The following RIC3 variants were observed in gnomAD, a reference collection of about 807,000 sequenced individuals.
RIC3 encodes RIC3 acetylcholine receptor chaperone.
In RIC3, 28 loss-of-function variants were observed where a neutral mutation model predicts 27.3. The observed-to-expected ratio is 1.02, with a 90% confidence interval of 0.76 to 1.41. RIC3 has a LOEUF of 1.41. Ranked by LOEUF, RIC3 falls within the 40% of genes most tolerant of loss-of-function variation. RIC3 has a pLI of 0.00. For missense variants in RIC3, 501 were observed against 444.7 expected (o/e 1.13, Z -1.14); for synonymous variants, 184 against 160.4 (o/e 1.15, Z -1.11).
At chr11:8,105,517 T>C (rs922707243), downstream of RIC3, 1 of 152,194 alleles carries the variant, frequency 6.6e-6, no homozygotes, top group Non-Finnish European at 1.5e-5. Context: ...TCCAACCAAG[T>C]GGAAAGGCAA....
chr11:8,146,928 G>C (rs1348392929), intron 1 of RIC3, among the ~76,000 whole-genome samples: 1 of 152,160 alleles, frequency 6.6e-6, no homozygotes, highest in African/African-American at 2.4e-5. Context: ...TGAGGGAGTA[G>C]ATTGTAAAAT....
intron 1 of RIC3, among the ~76,000 whole-genome samples, chr11:8,157,854 A>G (rs1950806495): frequency 6.6e-6 from 1 of 152,192 alleles, no homozygotes; most frequent in Non-Finnish European, 1.5e-5. Context: ...GTACGTTTCT[A>G]AACTTGAAAA....
At chr11:8,156,358 G>A (rs1950652161) in intron 1 of RIC3, among the ~76,000 whole-genome samples, 1 of 152,174 alleles carries the variant, frequency 6.6e-6, no homozygotes, top group African/African-American at 2.4e-5. Context: ...TTTCAGTGGA[G>A]GTTAAATTAA....
In RIC3 at chr11:8,134,199, A is replaced by T. The variant is rs1442205353; in HGVS notation, c.521+3179T>A. ...TGTGATGTTCCCCTTCCTGTGTCCAAGTGTTCTCATTGTTCAATTCCCACC... is the reference window on the plus strand; with the variant it reads ...TGTGATGTTCCCCTTCCTGTGTCCATGTGTTCTCATTGTTCAATTCCCACC... On this transcript the variant is annotated intron_variant, in intron 4 of 5. Transcript: ENST00000309737. 3.3e-5 allele frequency among the ~76,000 whole-genome samples: 5 copies of T among 152,032 alleles called. No homozygotes were observed. The East Asian group carries it at 7.8e-4, about 24-fold the overall frequency.
At chr11:8,148,288 T>C (rs924723529) in intron 1 of RIC3, among the ~76,000 whole-genome samples, 1 of 152,170 alleles carries the variant, frequency 6.6e-6, no homozygotes, top group Non-Finnish European at 1.5e-5. Flanking sequence ...TCACCACCCT[T>C]TATTCTGGAT....
chr11:8,126,740 C>A lies in RIC3; in HGVS notation c.589G>T (p.Val197Phe), dbSNP rs139685245. 1.9e-3 allele frequency: 3,111 copies of A among 1,614,068 alleles called. 16 individuals are homozygous for A. Among genetic ancestry groups the A allele is most frequent in the Non-Finnish European group, 1.4e-3 (1,613 of 1,180,002 alleles). The change falls in exon 5 of 6, where the codon GTC becomes TTC. Residue 197 changes from valine to phenylalanine, a missense_variant. By Grantham distance (50) the Val-to-Phe change is conservative. Coordinates refer to ENST00000309737, the MANE Select transcript of RIC3 (RefSeq NM_001206671.4). ...LLHQLREITR[V>F]MKEGKFIDRF... ...TCAATGAATTTTCCTTCTTTCATGACCCTGGTGATTTCTCGGAGCTGATGT... is the reference window on the plus strand; with the variant it reads ...TCAATGAATTTTCCTTCTTTCATGAACCTGGTGATTTCTCGGAGCTGATGT...
chr11:8,151,805 A>C (rs1255317821), intron 1 of RIC3, among the ~76,000 whole-genome samples: 2 of 150,852 alleles, frequency 1.3e-5, no homozygotes, highest in Non-Finnish European at 2.9e-5. Context: ...AATTCCAGCT[A>C]CTTGGGAGGC....
chr11:8,110,379 G>C lies in RIC3; in HGVS notation c.*319C>G. On this transcript the variant is annotated 3_prime_UTR_variant, in exon 6 of 6. Transcript: ENST00000309737. ...CTATCTGTTACACCTACCAGGAAGAGTCAGACCTTTGCCCCTGAGTGGTCC... is the reference window on the plus strand; with the variant it reads ...CTATCTGTTACACCTACCAGGAAGACTCAGACCTTTGCCCCTGAGTGGTCC... 1.9e-5 allele frequency: 8 copies of C among 428,084 alleles called. 1 individual carries two copies. Among genetic ancestry groups the C allele is most frequent in the South Asian group, 1.5e-4 (7 of 47,496 alleles). 26.5% of individuals were successfully genotyped at this position (428,084 alleles called of 1,614,324 possible). A position where few individuals can be genotyped will look rare whatever the true frequency, so the allele number is the denominator to read the frequency against.
chr11:8,151,358 C>T (rs1011163717), intron 1 of RIC3, among the ~76,000 whole-genome samples: 1 of 151,468 alleles, frequency 6.6e-6, no homozygotes, highest in African/African-American at 2.4e-5. Flanking sequence ...GAGGCCGAGA[C>T]GGGCGGATCA....
At chr11:8,147,783 A>G (rs1949851378) in intron 1 of RIC3, among the ~76,000 whole-genome samples, 1 of 142,714 alleles carries the variant, frequency 7.0e-6, no homozygotes, top group Non-Finnish European at 1.5e-5. Context: ...GCTGGAGTGC[A>G]GTGGCGCGAT....
chr11:8,138,547 G>C (rs191812335), intron 2 of RIC3, 200 bp from the exon 3 acceptor site: 3 of 514,138 alleles, frequency 5.8e-6, no homozygotes, highest in Non-Finnish European at 1.0e-5. Context: ...CAAAGCACAA[G>C]TGTAAAAAGT....
chr11:8,100,228 G>A, the RIC3 span, among the ~76,000 whole-genome samples: 2 of 152,214 alleles, frequency 1.3e-5, no homozygotes, highest in East Asian at 3.9e-4. Context: ...GGATGTAGAA[G>A]AGAGGACTCG....
chr11:8,125,681 G>A (rs1393044018), intron 5 of RIC3, among the ~76,000 whole-genome samples: 1 of 152,198 alleles, frequency 6.6e-6, no homozygotes, highest in African/African-American at 2.4e-5. Flanking sequence ...ATACACCGCT[G>A]GTGGGAAGGG....
chr11:8,127,182 C>T (rs1029561657), intron 4 of RIC3, among the ~76,000 whole-genome samples: 1 of 152,174 alleles, frequency 6.6e-6, no homozygotes, highest in Non-Finnish European at 1.5e-5. Flanking sequence ...CCATTTACTA[C>T]AAGCCACTTT....
chr11:8,138,162 T>G, intron 3 of RIC3, 110 bp downstream of exon 3: 1 of 720,184 alleles, frequency 1.4e-6, no homozygotes, highest in Non-Finnish European at 2.3e-6. Context: ...CAGATTAATT[T>G]GGAGCAACTT....
At chr11:8,141,641 T>TTGA (rs1949084271) in intron 1 of RIC3, among the ~76,000 whole-genome samples, 2 of 151,704 alleles carry the variant, frequency 1.3e-5, no homozygotes, top group Admixed American at 1.3e-4. Flanking sequence ...TCAACAAGGA[T>TTGA]ACCCAGGAAT....
intron 1 of RIC3, among the ~76,000 whole-genome samples, chr11:8,167,366 T>G (rs767251891): frequency 6.6e-6 from 1 of 152,140 alleles, no homozygotes; most frequent in Non-Finnish European, 1.5e-5. Context: ...GTTATTTTAG[T>G]TAGTGTCATC....
intron 5 of RIC3, among the ~76,000 whole-genome samples, chr11:8,111,596 T>C (rs1945270086): frequency 6.6e-6 from 1 of 152,118 alleles, no homozygotes; most frequent in Non-Finnish European, 1.5e-5. Context: ...CTTTGAAAAA[T>C]ACACCATGAA....
Position 8,138,295 on chromosome 11 carries a change from G to T in RIC3, c.404C>A (p.Pro135His), listed in dbSNP as rs1381615216. The T allele has an allele frequency of 1.2e-6, 2 of 1,613,248 alleles. No homozygotes were observed. Among genetic ancestry groups the T allele is most frequent in the African/African-American group, 2.7e-5 (2 of 74,862 alleles). Reference protein sequence around the residue: ...AEDGKCYTAMPGNTHRKITSF... With the variant: ...AEDGKCYTAMHGNTHRKITSF... ...ACTAATTTTCCTGTGGGTGTTTCCA[G>T]GCATGGCAGTATAGCATTTCCCATC... Residue 135 changes from proline to histidine, a missense_variant, in exon 3 of 6, where the codon CCT becomes CAT. By Grantham distance (77) the Pro-to-His change is moderately conservative (BLOSUM62 -2). Coordinates refer to ENST00000309737, the MANE Select transcript of RIC3 (RefSeq NM_001206671.4).
Sources: gnomAD v4.1 joint callset for allele counts (sites outside exome capture counted in the v4.1 genomes callset) on GRCh38, gnomAD v4.1.1 for gene constraint, MANE v1.5 for transcripts, NCBI Gene and HGNC (gene_info 2026-07-23, HGNC 2026-07-21) for gene names.